Variants in MRPS2 observed in about 807,000 individuals in gnomAD.
MRPS2 encodes the protein small ribosomal subunit protein uS2m.
MRPS2 carries 13 observed loss-of-function variants against 18.9 expected under a neutral mutation model. The observed-to-expected ratio is 0.69, with a 90% CI of 0.45 to 1.09. The LOEUF (loss-of-function observed/expected upper bound fraction) is 1.09, where lower values mean the gene tolerates loss of function less well. Ranked by LOEUF, MRPS2 falls within the 50% of genes least tolerant of loss-of-function variation. The pLI, the probability that MRPS2 is intolerant of heterozygous loss-of-function variation, is 0.00. For missense variants in MRPS2, 389 were observed against 421.7 expected (o/e 0.92, Z 0.68); for synonymous variants, 186 against 178.4 (o/e 1.04, Z -0.34).
intron 1 of MRPS2, 100 bp from the exon 2 acceptor site, chr9:135,500,898 G>A (rs754358405): frequency 1.6e-5 from 25 of 1,569,084 alleles, no homozygotes; most frequent in African/African-American, 2.7e-5. Context: ...ACGCGGAGGG[G>A]ACCCGTTAGG....
At chr9:135,500,969 C>A (rs757486478) in intron 1 of MRPS2, 29 bp from the exon 2 acceptor site, 58 of 1,610,698 alleles carry the variant, frequency 3.6e-5, no homozygotes, top group Non-Finnish European at 4.8e-5. Context: ...CGGGACTCGG[C>A]GCCAGGACCT....
chr9:135,500,823 T>G (rs1399277277), intron 1 of MRPS2, 70 bp downstream of exon 1: 8 of 1,488,546 alleles, frequency 5.4e-6, no homozygotes, highest in Non-Finnish European at 7.1e-6. Flanking sequence ...GGGGACCCGA[T>G]GGAGCGGCGG....
In MRPS2 at chr9:135,503,698, G is replaced by T. The variant is rs199707811; in HGVS notation, c.456G>T (p.Ser152=). The T allele has an allele frequency of 4.2e-5, 67 of 1,613,682 alleles. No individual in the cohort carries two copies. The highest frequency in any genetic ancestry group is 8.3e-5 in the Admixed American group (5 of 60,028). ...TTATAAGCCGCAACCGGCAGTTCTC[G>T]TACCTGATTGAGAACATGGCCCGTG... ...ILFISRNRQF[S]YLIENMARDC... The change falls in exon 4 of 4, where the codon TCG becomes TCT. Residue 152 remains serine (S), a synonymous_variant. Transcript: ENST00000241600.
Position 135,500,993 on chromosome 9 carries a change from C to T in MRPS2, c.44-5C>T. 6.2e-7 allele frequency: 1 copy of T among 1,611,804 alleles called. No homozygotes were observed. The highest frequency in any genetic ancestry group is 8.5e-7 in the Non-Finnish European group (1 of 1,179,584). On this transcript the variant is annotated splice_polypyrimidine_tract_variant and splice_region_variant and intron_variant, in intron 1 of 3. Transcript: ENST00000241600. ...GCGCCAGGACCTCTATCTACTTCCC[C>T]CCAGGTGCCCGGGCCCCGTCGCGCT...
In MRPS2 at chr9:135,503,980, G is replaced by A. The variant is rs751322876; in HGVS notation, c.738G>A (p.Val246=). 7.4e-6 allele frequency: 12 copies of A among 1,613,608 alleles called. No homozygotes were observed. Among genetic ancestry groups the A allele is most frequent in the Non-Finnish European group, 3.4e-6 (4 of 1,180,048 alleles). The part of the protein sequence containing the change: ...VPGNDDSPLA[V]HLYCRLFQTA... ...GCAATGACGACTCTCCGCTGGCTGT[G>A]CACCTCTACTGCAGGCTCTTCCAGA... Residue 246 remains valine, a synonymous_variant, in exon 4 of 4, where the codon GTG becomes GTA. Coordinates refer to ENST00000241600, the MANE Select transcript of MRPS2 (RefSeq NM_016034.5).
intron 2 of MRPS2, 166 bp downstream of exon 2, chr9:135,501,289 G>T: frequency 7.0e-7 from 1 of 1,426,760 alleles, no homozygotes; most frequent in Non-Finnish European, 9.1e-7. Context: ...GCCTGACGTA[G>T]CACAGCGGGC....
chr9:135,503,794 CCCCA>C lies in MRPS2; in HGVS notation c.554_557del (p.Pro185ArgfsTer24). 6.2e-6 allele frequency: 10 copies of C among 1,613,020 alleles called. No homozygotes were observed. The highest frequency in any genetic ancestry group is 8.5e-6 in the Non-Finnish European group (10 of 1,179,984). On this transcript the variant is annotated frameshift_variant, in exon 4 of 4. Transcript: ENST00000241600. LOFTEE classifies it high-confidence loss of function. ...TGACCAACGCGCGCCTCCTCTTTGG[CCCCA>C]CGGTCCGCCTGCCGGACCTCATCAT...
chr9:135,500,767 T>A lies in MRPS2; in HGVS notation c.43+14T>A. On this transcript the variant is annotated intron_variant, in intron 1 of 3. Coordinates refer to ENST00000241600, the MANE Select transcript of MRPS2 (RefSeq NM_016034.5). ...TACTCGGCGCGGGTGAGCGCGCGCT[T>A]GCGGGACCCTGGGGAGGAGCATGCG... 1 of 1,473,886 alleles carries A rather than the reference T, an allele frequency of 6.8e-7. No individual in the cohort carries two copies. Among genetic ancestry groups the A allele is most frequent in the Non-Finnish European group, 8.9e-7 (1 of 1,119,050 alleles). The allele number at this position is 1,473,886 out of a possible 1,614,324, so 91.3% of individuals were successfully genotyped here.
Position 135,500,750 on chromosome 9 carries a change from G to A in MRPS2, c.40G>A (p.Ala14Thr). 6.8e-7 allele frequency: 1 copy of A among 1,478,150 alleles called. No individual in the cohort carries two copies. Among genetic ancestry groups the A allele is most frequent in the Non-Finnish European group, 8.9e-7 (1 of 1,120,680 alleles). The allele number at this position is 1,478,150 out of a possible 1,614,324, so 91.6% of individuals were successfully genotyped here. The change falls in exon 1 of 4, where the codon GCG becomes ACG. Residue 14 changes from alanine to threonine, a missense_variant. Ala to Thr is a moderately conservative substitution (Grantham distance 58). Transcript: ENST00000241600. Reference sequence around the variant, plus strand: ...GGCCGCGCTGCCCCGAATACTCGGCGCGGGTGAGCGCGCGCTTGCGGGACC... The same window carrying A: ...GGCCGCGCTGCCCCGAATACTCGGCACGGGTGAGCGCGCGCTTGCGGGACC... The part of the protein sequence containing the change: ...SSAALPRILG[A>T]GARAPSRWLG...
intron 1 of MRPS2, 102 bp downstream of exon 1, chr9:135,500,855 C>T: frequency 1.3e-6 from 2 of 1,493,492 alleles, no homozygotes; most frequent in South Asian, 1.3e-5. Flanking sequence ...GGACCCGGGG[C>T]GAGCGCGGAG....
chr9:135,501,062 G>C lies in MRPS2; in HGVS notation c.108G>C (p.Pro36=). The C allele has an allele frequency of 1.2e-6, 2 of 1,610,528 alleles. No individual in the cohort carries two copies. Among genetic ancestry groups the C allele is most frequent in the Non-Finnish European group, 1.7e-6 (2 of 1,179,004 alleles). ...LGKATPRPAR[P]SRRTLGSATA... ...AGGCGACCCCCCGGCCTGCTCGGCCGAGCCGCAGGACGCTTGGAAGCGCGA... is the reference window on the plus strand; with the variant it reads ...AGGCGACCCCCCGGCCTGCTCGGCCCAGCCGCAGGACGCTTGGAAGCGCGA... The change falls in exon 2 of 4, where the codon CCG becomes CCC. Residue 36 remains proline, a synonymous_variant. Coordinates refer to ENST00000241600, the MANE Select transcript of MRPS2 (RefSeq NM_016034.5).
In MRPS2 at chr9:135,503,552, C is replaced by G. The variant is rs764991111; in HGVS notation, c.310C>G (p.Pro104Ala). The change falls in exon 4 of 4, where the codon CCG becomes GCG. Residue 104 changes from proline to alanine, a missense_variant. Pro to Ala is a conservative substitution (Grantham distance 27, BLOSUM62 -1). Transcript: ENST00000241600. Reference protein sequence around the residue: ...KAGCRHRFMEPYIFGSRLDHD... With the variant: ...KAGCRHRFMEAYIFGSRLDHD... The stretch of plus-strand genomic sequence containing the variant: ...TGGGGTCTCTGGCAGGTTTATGGAG[C>G]CGTACATCTTTGGGAGCCGCCTGGA... The G allele has an allele frequency of 1.9e-6, 3 of 1,612,952 alleles. No homozygotes were observed. Among genetic ancestry groups the G allele is most frequent in the Non-Finnish European group, 2.5e-6 (3 of 1,179,596 alleles).
chr9:135,501,157 A>T, intron 2 of MRPS2, 34 bp downstream of exon 2: 2 of 1,554,598 alleles, frequency 1.3e-6, no homozygotes, highest in Non-Finnish European at 1.7e-6. Context: ...TTGGGTGGGA[A>T]CGAGGAGAGG....
In MRPS2 at chr9:135,501,885, G is replaced by C. The variant is rs769757992; in HGVS notation, c.211G>C (p.Asp71His). 4 of 1,613,714 alleles carry C rather than the reference G, an allele frequency of 2.5e-6. No individual in the cohort carries two copies. Among genetic ancestry groups the C allele is most frequent in the Non-Finnish European group, 3.4e-6 (4 of 1,180,000 alleles). ...KILNEPLKHS[D>H]FFNVKELFSV... is the part of the protein sequence containing the mutation. ...TTTGAATGAGCCCCTCAAGCACTCT[G>C]ACTTCTTCAATGTCAAGGAACTGTT... Residue 71 changes from aspartate (D) to histidine (H), a missense_variant, in exon 3 of 4, where the codon GAC (aspartate) becomes CAC (histidine). Asp to His is a moderately conservative substitution (Grantham distance 81). Transcript: ENST00000241600.
At chr9:135,500,679 A>AG (rs1182773191), upstream of MRPS2, 4 of 1,451,442 alleles carry the variant, frequency 2.8e-6, no homozygotes, top group Non-Finnish European at 3.6e-6. Context: ...CCTGGCCTGG[A>AG]GGGAGACCTC....
chr9:135,501,766 G>T (rs942617271), intron 2 of MRPS2, 78 bp from the exon 3 acceptor site: 5 of 1,575,448 alleles, frequency 3.2e-6, no homozygotes, highest in African/African-American at 2.7e-5. Context: ...TGGGAGCAGG[G>T]GTGGGCGGGA....
At chr9:135,500,829 G>C in intron 1 of MRPS2, 76 bp downstream of exon 1, 1 of 1,486,372 alleles carries the variant, frequency 6.7e-7, no homozygotes, top group Non-Finnish European at 8.9e-7. Flanking sequence ...CCGATGGAGC[G>C]GCGGGGACGT....
intron 3 of MRPS2, among the ~76,000 whole-genome samples, chr9:135,502,976 G>A (rs1461274245): frequency 2.6e-5 from 4 of 152,128 alleles, no homozygotes; most frequent in African/African-American, 9.7e-5. Context: ...CCTGGGAACC[G>A]CAAATGTGGA....
intron 2 of MRPS2, chr9:135,501,345 G>A: frequency 7.1e-7 from 1 of 1,403,170 alleles, no homozygotes; most frequent in Non-Finnish European, 9.2e-7. Context: ...GAGCGGGCGG[G>A]CCAGTGGTTA....
Sources: gnomAD v4.1 joint callset for allele counts (sites outside exome capture counted in the v4.1 genomes callset) on GRCh38, gnomAD v4.1.1 for gene constraint, MANE v1.5 for transcripts, NCBI Gene and HGNC (gene_info 2026-07-23, HGNC 2026-07-21) for gene names.